The following CHSY1 variants were observed in gnomAD, a reference collection of about 807,000 sequenced individuals.
CHSY1 encodes N-acetylgalactosaminyl-proteoglycan 3-beta-glucuronosyltransferase 1.
Under a neutral mutation model 59.8 loss-of-function variants are expected in CHSY1, and 13 were observed. That is an observed-to-expected ratio of 0.22 (90% CI 0.14 to 0.35). CHSY1 has a LOEUF of 0.35. Ranked by LOEUF, CHSY1 falls within the 10% of genes least tolerant of loss-of-function variation. The pLI is 1.00. For missense variants in CHSY1, 947 were observed against 1,030.6 expected (o/e 0.92, Z 1.11); for synonymous variants, 459 against 401.2 (o/e 1.14, Z -1.72).
At chr15:101,185,468 C>A (rs1355718013) in intron 2 of CHSY1, among the ~76,000 whole-genome samples, 1 of 141,224 alleles carries the variant, frequency 7.1e-6, no homozygotes, top group Non-Finnish European at 1.6e-5. Flanking sequence ...CATGGAGCAC[C>A]CTCCATCCTC....
In CHSY1 at chr15:101,178,710, T is replaced by G; in HGVS notation, c.1087A>C (p.Met363Leu). The change falls in exon 3 of 3, where the codon ATG (methionine) becomes CTG (leucine). Residue 363 changes from methionine to leucine, a missense_variant. Physicochemically the swap from Met to Leu is conservative, Grantham distance 15. This residue lies in a region of CHSY1 where 602 missense variants were observed against 676.9 expected (regional missense o/e 0.89). Coordinates refer to ENST00000254190, the MANE Select transcript of CHSY1 (RefSeq NM_014918.5). ...TCTCGCTGGCGGGGCTGAAACCTCA[T>G]GAAGGAGGGAGGGATTCCCAGCTGG... Reference protein sequence around the residue: ...DLQLGIPPSFMRFQPRQREEI... With the variant: ...DLQLGIPPSFLRFQPRQREEI... 8 of 1,614,220 alleles carry G rather than the reference T, an allele frequency of 5.0e-6. No individual in the cohort carries two copies. The highest frequency in any genetic ancestry group is 6.8e-6 in the Non-Finnish European group (8 of 1,180,030).
chr15:101,192,208 C>T (rs2038453726), intron 2 of CHSY1, among the ~76,000 whole-genome samples: 1 of 152,146 alleles, frequency 6.6e-6, no homozygotes, highest in South Asian at 2.1e-4. Context: ...GAGTAATTGC[C>T]CTCTAAGTAC....
chr15:101,178,731 G>A lies in CHSY1; in HGVS notation c.1066C>T (p.Leu356=). 1 of 1,614,246 alleles carries A rather than the reference G, an allele frequency of 6.2e-7. No homozygotes were observed. Among genetic ancestry groups the A allele is most frequent in the Non-Finnish European group, 8.5e-7 (1 of 1,180,052 alleles). The change falls in exon 3 of 3, where the codon CTG becomes TTG. Residue 356 remains leucine, a synonymous_variant. Coordinates refer to ENST00000254190, the MANE Select transcript of CHSY1 (RefSeq NM_014918.5). ...NTEIHKEDLQ[L]GIPPSFMRFQ... is the part of the protein sequence containing the mutation. The stretch of plus-strand genomic sequence containing the variant: ...CTCATGAAGGAGGGAGGGATTCCCA[G>A]CTGGAGGTCCTCTTTATGAATTTCT...
chr15:101,223,872 C>T (rs1006294118), intron 2 of CHSY1, among the ~76,000 whole-genome samples: 5 of 152,278 alleles, frequency 3.3e-5, no homozygotes, highest in Admixed American at 3.3e-4. Context: ...GGATTTAGTG[C>T]TGATCATCTG....
intron 2 of CHSY1, among the ~76,000 whole-genome samples, chr15:101,205,347 A>G (rs1249920720): frequency 2.0e-5 from 3 of 152,188 alleles, no homozygotes; most frequent in Non-Finnish European, 4.4e-5. Flanking sequence ...ATTCAGAGGA[A>G]AGAAACTAGA....
At chr15:101,210,870 CAA>C (rs886099320) in intron 2 of CHSY1, among the ~76,000 whole-genome samples, 5 of 152,150 alleles carry the variant, frequency 3.3e-5, no homozygotes, top group African/African-American at 1.2e-4. Context: ...GAAAAACAGA[CAA>C]GAGAAACCTA....
At chr15:101,237,238 A>C (rs886253308) in intron 1 of CHSY1, among the ~76,000 whole-genome samples, 3 of 151,386 alleles carry the variant, frequency 2.0e-5, no homozygotes, top group Non-Finnish European at 4.4e-5. Flanking sequence ...AAAAAAAAAA[A>C]AAAAAAAAAA....
rs191014785 is a variant in CHSY1, at chr15:101,214,014, T to G, written c.816+21068A>C. On this transcript the variant is annotated intron_variant, in intron 2 of 2. Coordinates refer to ENST00000254190, the MANE Select transcript of CHSY1 (RefSeq NM_014918.5). ...AAACAGATAGCCCAGGCATGGAAAA[T>G]TGGTTAAACGTGGGCCAGTCCCAAG... Among the ~76,000 whole-genome samples, 641 of 152,272 alleles carry G rather than the reference T, an allele frequency of 4.2e-3. 2 individuals carry two copies. The highest frequency in any genetic ancestry group is 0.012 in the African/African-American group (508 of 41,554).
chr15:101,235,734 G>A (rs561526503), intron 1 of CHSY1, among the ~76,000 whole-genome samples, 157 bp from the exon 2 acceptor site: 21 of 152,172 alleles, frequency 1.4e-4, no homozygotes, highest in South Asian at 8.3e-4. Context: ...AGGTTACCGC[G>A]TATTGCAAAG....
chr15:101,250,638 T>C (rs111606152), intron 1 of CHSY1, among the ~76,000 whole-genome samples: 1 of 152,232 alleles, frequency 6.6e-6, no homozygotes, highest in Admixed American at 6.5e-5. Context: ...CTTTCATTTA[T>C]AGGAGTGCCT....
Position 101,178,042 on chromosome 15 carries a change from T to A in CHSY1, c.1755A>T (p.Glu585Asp). 1 of 1,614,188 alleles carries A rather than the reference T, an allele frequency of 6.2e-7. No homozygotes were observed. The highest frequency in any genetic ancestry group is 8.5e-7 in the Non-Finnish European group (1 of 1,180,030). The change falls in exon 3 of 3, where the codon GAA becomes GAT. Residue 585 changes from glutamate (E) to aspartate (D), a missense_variant. By Grantham distance (45) the Glu-to-Asp change is conservative. Transcript: ENST00000254190. ...DSNPDKAKQVELMRDYRIKYP... is the reference protein window; with the variant it reads ...DSNPDKAKQVDLMRDYRIKYP... ...ACTTAATGCGGTAATCTCTCATCAGTTCAACTTGTTTGGCCTTGTCAGGGT... is the reference window on the plus strand; with the variant it reads ...ACTTAATGCGGTAATCTCTCATCAGATCAACTTGTTTGGCCTTGTCAGGGT...
chr15:101,246,335 G>C (rs74709099), intron 1 of CHSY1, among the ~76,000 whole-genome samples: 1 of 145,126 alleles, frequency 6.9e-6, no homozygotes, highest in African/African-American at 2.5e-5. Context: ...AAAAATGGAC[G>C]AATAAGCAAA....
intron 2 of CHSY1, among the ~76,000 whole-genome samples, chr15:101,192,434 C>T (rs1430945244): frequency 6.6e-6 from 1 of 152,128 alleles, no homozygotes; most frequent in East Asian, 1.9e-4. Flanking sequence ...CCCCCACCTC[C>T]TACCCCTCAG....
chr15:101,221,858 G>A (rs1466963571), intron 2 of CHSY1, among the ~76,000 whole-genome samples: 1 of 150,794 alleles, frequency 6.6e-6, no homozygotes, highest in Admixed American at 6.6e-5. Context: ...GTAATTGCTA[G>A]ACATCCAAGA....
intron 2 of CHSY1, among the ~76,000 whole-genome samples, chr15:101,222,678 C>G (rs907432361): frequency 6.6e-6 from 1 of 152,160 alleles, no homozygotes; most frequent in Non-Finnish European, 1.5e-5. Context: ...AAGTATCTTG[C>G]GGAAAATCCC....
chr15:101,192,163 G>C (rs1322846606), intron 2 of CHSY1, among the ~76,000 whole-genome samples: 2 of 152,152 alleles, frequency 1.3e-5, no homozygotes, highest in African/African-American at 2.4e-5. Context: ...AACTCCTTGA[G>C]AGCAAAACTC....
At position 101,204,907 on chromosome 15, in the gene CHSY1, C is replaced by T. The variant is rs929931390; in HGVS notation, c.817-25927G>A. Among the ~76,000 whole-genome samples the T allele has an allele frequency of 1.1e-4, 16 of 152,194 alleles. No individual in the cohort carries two copies. In the East Asian group the frequency reaches 1.7e-3, roughly 17 times the overall value. ...GCACTAGAACGAGACTCCATCCCCC[C>T]GCCACACACACAAAAAAGACCATCT... On this transcript the variant is annotated intron_variant, in intron 2 of 2. Coordinates refer to ENST00000254190, the MANE Select transcript of CHSY1 (RefSeq NM_014918.5).
At chr15:101,204,231 C>A (rs112884435) in intron 2 of CHSY1, among the ~76,000 whole-genome samples, 78 of 152,056 alleles carry the variant, frequency 5.1e-4, no homozygotes, top group African/African-American at 1.8e-3. Context: ...GTCAGGAGTT[C>A]GAGACTAGCC....
At chr15:101,195,586 C>T (rs2038495596) in intron 2 of CHSY1, among the ~76,000 whole-genome samples, 1 of 152,206 alleles carries the variant, frequency 6.6e-6, no homozygotes, top group African/African-American at 2.4e-5. Flanking sequence ...CCTTGGGAGG[C>T]TGAGACGGGC....
Sources: gnomAD v4.1 joint callset for allele counts (sites outside exome capture counted in the v4.1 genomes callset) on GRCh38, gnomAD v4.1.1 for gene constraint, gnomAD v4.1.1 regional missense constraint, MANE v1.5 for transcripts, NCBI Gene and HGNC (gene_info 2026-07-23, HGNC 2026-07-21) for gene names.